Variants in CNTN5 observed in about 807,000 individuals in gnomAD.
CNTN5 encodes contactin-5.
CNTN5 carries 77 observed loss-of-function variants against 129.1 expected under a neutral mutation model. The observed-to-expected ratio is 0.60, with a 90% CI of 0.50 to 0.72. The LOEUF is 0.72. CNTN5 is among the 30% of genes least tolerant of loss of function. The probability of loss-of-function intolerance (pLI) is 0.00; values close to 1 mark genes in which losing one functional copy is unlikely to be tolerated. For missense variants in CNTN5, 1,478 were observed against 1,328.8 expected (o/e 1.11, Z -1.75); for synonymous variants, 509 against 465.6 (o/e 1.09, Z -1.20).
rs141584745 is a variant in CNTN5, at chr11:99,961,220, A to AAC, written c.877+4212_877+4213insCA. ...ACTCCGTCTCAGAAAAAAAAAAAAAAAAAAACAGTAGAATATAGTGTCAAG... is the reference window on the plus strand; with the variant it reads ...ACTCCGTCTCAGAAAAAAAAAAAAAAACAAAAACAGTAGAATATAGTGTCAAG... On this transcript the variant is annotated intron_variant, in intron 8 of 24. Coordinates refer to ENST00000524871, the MANE Select transcript of CNTN5 (RefSeq NM_014361.4). Among the ~76,000 whole-genome samples the AAC allele has an allele frequency of 4.5e-5, 4 of 88,212 alleles. 1 individual carries two copies. Among genetic ancestry groups the AAC allele is most frequent in the Admixed American group, 1.1e-4 (1 of 8,844 alleles). 57.9% of individuals were successfully genotyped at this position (88,212 alleles called of 152,430 possible).
intron 13 of CNTN5, among the ~76,000 whole-genome samples, chr11:100,089,351 G>A (rs555468411): frequency 3.3e-5 from 5 of 151,942 alleles, no homozygotes; most frequent in African/African-American, 9.7e-5. Flanking sequence ...TTAAAACCAC[G>A]ATGAGATATC....
At chr11:99,163,096 A>G (rs572014901) in intron 1 of CNTN5, among the ~76,000 whole-genome samples, 110 of 152,328 alleles carry the variant, frequency 7.2e-4, no homozygotes, top group African/African-American at 2.5e-3. Context: ...TTGACAAATC[A>G]CCTATTGACC....
At chr11:99,667,329 T>G (rs1290022208) in intron 3 of CNTN5, among the ~76,000 whole-genome samples, 1 of 152,178 alleles carries the variant, frequency 6.6e-6, no homozygotes, top group African/African-American at 2.4e-5. Context: ...TTTCAGCTGT[T>G]TACTAAAACT....
intron 3 of CNTN5, among the ~76,000 whole-genome samples, chr11:99,773,972 T>A (rs1407577826): frequency 2.0e-5 from 3 of 152,090 alleles, no homozygotes; most frequent in African/African-American, 7.2e-5. Flanking sequence ...TGAATACAAT[T>A]TTCACCTTTT....
chr11:99,371,160 A>C (rs1482825553), intron 2 of CNTN5, among the ~76,000 whole-genome samples: 1 of 152,166 alleles, frequency 6.6e-6, no homozygotes, highest in Non-Finnish European at 1.5e-5. Context: ...CCTAGTGAAG[A>C]AATCTTTGTT....
chr11:99,781,739 C>T (rs921659153), intron 3 of CNTN5, among the ~76,000 whole-genome samples: 4 of 152,062 alleles, frequency 2.6e-5, no homozygotes, highest in African/African-American at 9.7e-5. Context: ...TGAAAAATCT[C>T]AATAGATGCA....
intron 3 of CNTN5, among the ~76,000 whole-genome samples, chr11:99,717,919 A>G (rs1334767733): frequency 6.6e-6 from 1 of 152,122 alleles, no homozygotes; most frequent in Non-Finnish European, 1.5e-5. Flanking sequence ...CATAGATCCA[A>G]CTCAGCCATG....
intron 1 of CNTN5, among the ~76,000 whole-genome samples, chr11:99,105,633 A>G (rs1247923829): frequency 1.3e-5 from 2 of 152,286 alleles, no homozygotes; most frequent in East Asian, 3.9e-4. Context: ...CAAGAGCATC[A>G]TTTTGCTGTC....
intron 3 of CNTN5, among the ~76,000 whole-genome samples, chr11:99,775,794 A>T (rs1945104040): frequency 7.1e-6 from 1 of 140,882 alleles, no homozygotes; most frequent in Admixed American, 7.1e-5. Context: ...TTTATATACG[A>T]TCTTGATTGA....
At chr11:99,483,239 T>C (rs1309688786) in intron 2 of CNTN5, among the ~76,000 whole-genome samples, 1 of 148,442 alleles carries the variant, frequency 6.7e-6, no homozygotes, top group Middle Eastern at 3.3e-3. Flanking sequence ...AAAGTGCACT[T>C]GGAAGAGGGC....
At chr11:99,573,046 A>G (rs1202014695) in intron 3 of CNTN5, among the ~76,000 whole-genome samples, 1 of 152,232 alleles carries the variant, frequency 6.6e-6, no homozygotes, top group Non-Finnish European at 1.5e-5. Flanking sequence ...AATTTAAGAA[A>G]TAAACAGTTG....
Position 100,299,267 on chromosome 11 carries a change from G to T in CNTN5, c.2491G>T (p.Ala831Ser). ...WKEKMVTSSEASKFIYRDESV... is the reference protein window; with the variant it reads ...WKEKMVTSSESSKFIYRDESV... ...GGAAAAAATGGTGACATCCTCTGAAGCTTCCAAATTCATTTATCGAGATGA... is the reference window on the plus strand; with the variant it reads ...GGAAAAAATGGTGACATCCTCTGAATCTTCCAAATTCATTTATCGAGATGA... The change falls in exon 20 of 25, where the codon GCT becomes TCT. Residue 831 changes from alanine (A) to serine (S), a missense_variant. Physicochemically the swap from Ala to Ser is moderately conservative, Grantham distance 99. Coordinates refer to ENST00000524871, the MANE Select transcript of CNTN5 (RefSeq NM_014361.4). 1 of 1,610,648 alleles carries T rather than the reference G, an allele frequency of 6.2e-7. No individual in the cohort carries two copies. The highest frequency in any genetic ancestry group is 8.5e-7 in the Non-Finnish European group (1 of 1,177,744).
intron 1 of CNTN5, among the ~76,000 whole-genome samples, chr11:99,131,151 G>A (rs1387886897): frequency 9.4e-5 from 13 of 138,244 alleles, no homozygotes; most frequent in African/African-American, 3.6e-4. Context: ...AGGAGGCTGA[G>A]GCAGGAGAAT....
chr11:99,115,207 G>A (rs1209628152), intron 1 of CNTN5, among the ~76,000 whole-genome samples: 1 of 152,102 alleles, frequency 6.6e-6, no homozygotes, highest in Non-Finnish European at 1.5e-5. Flanking sequence ...AAGAAAGACC[G>A]GGGCTAGGTT....
At chr11:100,112,001 T>C (rs1044110794) in intron 13 of CNTN5, among the ~76,000 whole-genome samples, 1 of 152,218 alleles carries the variant, frequency 6.6e-6, no homozygotes, top group Non-Finnish European at 1.5e-5. Flanking sequence ...ATTTTTCCAG[T>C]ACTAGTCATG....
At chr11:100,299,091 T>C (rs1298448478) in intron 19 of CNTN5, 71 bp from the exon 20 acceptor site, 3 of 1,036,040 alleles carry the variant, frequency 2.9e-6, no homozygotes, top group South Asian at 1.7e-5. Flanking sequence ...TTTTTTTTAA[T>C]TAAGAATTTG....
At chr11:100,157,846 A>ATTCT (rs1555024819) in intron 13 of CNTN5, among the ~76,000 whole-genome samples, 6 of 95,266 alleles carry the variant, frequency 6.3e-5, no homozygotes, top group Non-Finnish European at 1.5e-4. Flanking sequence ...CTATATAGAT[A>ATTCT]AATAAAAAAA....
chr11:99,025,969 C>G (rs1863091846), intron 1 of CNTN5, among the ~76,000 whole-genome samples: 1 of 151,596 alleles, frequency 6.6e-6, no homozygotes, highest in Non-Finnish European at 1.5e-5. Flanking sequence ...CATGCAAGAA[C>G]TTACTTTCAA....
At chr11:100,157,863 G>GA (rs1284132802) in intron 13 of CNTN5, among the ~76,000 whole-genome samples, 1 of 150,936 alleles carries the variant, frequency 6.6e-6, no homozygotes, top group Non-Finnish European at 1.5e-5. Context: ...AAAAGCATGT[G>GA]AAAAAAGGAA....
Sources: allele counts gnomAD v4.1 joint callset (sites outside exome capture counted in the v4.1 genomes callset), GRCh38; gene constraint gnomAD v4.1.1; transcripts MANE v1.5; gene names NCBI Gene and HGNC (gene_info 2026-07-23, HGNC 2026-07-21).